PCDH11Y: variants seen among roughly 807,000 people sequenced by gnomAD.
The protein encoded by PCDH11Y is protocadherin 11 Y-linked.
For missense variants in PCDH11Y, 12 were observed against 224.8 expected (o/e 0.05, Z 6.05); for synonymous variants, 9 against 83.6 (o/e 0.11, Z 4.87).
At chrY:5,360,874 G>A (rs2053174047) in intron 2 of PCDH11Y, among the ~76,000 whole-genome samples, 1 of 32,424 alleles carries the variant, frequency 3.1e-5, no homozygotes, top group Non-Finnish European at 7.5e-5. Context: ...TACGTGTGAC[G>A]TAGACAGCAA....
intron 4 of PCDH11Y, among the ~76,000 whole-genome samples, chrY:5,663,852 G>A: frequency 6.2e-5 from 2 of 32,076 alleles, no homozygotes; most frequent in East Asian, 1.6e-3. Context: ...TGAAGACACC[G>A]TAAATTCAAC....
downstream of PCDH11Y, among the ~76,000 whole-genome samples, chrY:5,107,651 C>A: frequency 6.1e-5 from 2 of 32,873 alleles, no homozygotes; most frequent in Admixed American, 5.6e-4. Context: ...TATCTCCAAC[C>A]TTTTGTGTTG....
chrY:5,249,073 A>G, intron 2 of PCDH11Y, among the ~76,000 whole-genome samples: 1 of 32,766 alleles, frequency 3.1e-5, no homozygotes, highest in Non-Finnish European at 7.5e-5. Flanking sequence ...GAGAAATAAC[A>G]GAGGACACAA....
At chrY:5,712,323 A>C in intron 4 of PCDH11Y, among the ~76,000 whole-genome samples, 1 of 33,358 alleles carries the variant, frequency 3.0e-5, no homozygotes, top group Non-Finnish European at 7.4e-5. Flanking sequence ...TAAGGTCTGG[A>C]GACATACAGA....
rs2053332147 is a variant in PCDH11Y at position 5,486,692 on chromosome Y, TATATATATATATACAC to T, written c.3130-14351_3130-14336del. Among the ~76,000 whole-genome samples the T allele has an allele frequency of 6.6e-3, 55 of 8,320 alleles. No homozygotes were observed. In the East Asian group the frequency reaches 0.17, roughly 26 times the overall value. 22.3% of individuals were successfully genotyped at this position (8,320 alleles called of 37,273 possible). On this transcript the variant is annotated intron_variant, in intron 2 of 4. Transcript: ENST00000400457. ...CCATTCATATATATATATATATATA[TATATATATATATACAC>T]ATATATATATATATATATACACATA...
chrY:5,523,535 A>C (rs1602937750), intron 3 of PCDH11Y, among the ~76,000 whole-genome samples: 1 of 31,881 alleles, frequency 3.1e-5, no homozygotes, highest in East Asian at 8.2e-4. Flanking sequence ...CTTATTTCGG[A>C]ATTATAAGCA....
At chrY:5,539,864 A>G in intron 3 of PCDH11Y, among the ~76,000 whole-genome samples, 1 of 32,775 alleles carries the variant, frequency 3.1e-5, no homozygotes, top group Non-Finnish European at 7.6e-5. Flanking sequence ...AGGAAATAGT[A>G]TAATTTTATT....
chrY:5,586,906 GATTT>G (rs765607736), intron 4 of PCDH11Y, among the ~76,000 whole-genome samples: 1 of 32,367 alleles, frequency 3.1e-5, no homozygotes, highest in Non-Finnish European at 7.7e-5. Flanking sequence ...CTTTTGTATT[GATTT>G]ATTTGTTTTG....
chrY:5,593,882 A>G lies in PCDH11Y; in HGVS notation c.3352+12084A>G, dbSNP rs2124698729. On this transcript the variant is annotated intron_variant, in intron 4 of 4. Coordinates refer to the PCDH11Y transcript ENST00000400457. Reference sequence around the variant, plus strand: ...CTGGCTCCTCAAAGTTAGGAACCCAATGTGCTCGGAAGGCTGAAATGCTCC... The same window carrying G: ...CTGGCTCCTCAAAGTTAGGAACCCAGTGTGCTCGGAAGGCTGAAATGCTCC... Among the ~76,000 whole-genome samples the G allele has an allele frequency of 8.4e-4, 27 of 32,297 alleles. No homozygotes were observed. In the East Asian group the frequency reaches 0.023, roughly 27 times the overall value. 86.6% of individuals were successfully genotyped at this position (32,297 alleles called of 37,273 possible).
intron 2 of PCDH11Y, among the ~76,000 whole-genome samples, chrY:5,232,927 G>T: frequency 3.1e-5 from 1 of 32,288 alleles, no homozygotes; most frequent in African/African-American, 1.2e-4. Flanking sequence ...GTGGGCGGGG[G>T]TCAGCTGAAT....
At chrY:5,383,825 G>T (rs2053208017) in intron 2 of PCDH11Y, among the ~76,000 whole-genome samples, 1 of 32,436 alleles carries the variant, frequency 3.1e-5, no homozygotes, top group South Asian at 6.9e-4. Flanking sequence ...CACCTTGTTG[G>T]CCAGGATGGT....
At chrY:5,631,358 C>T in intron 4 of PCDH11Y, among the ~76,000 whole-genome samples, 1 of 28,448 alleles carries the variant, frequency 3.5e-5, no homozygotes, top group African/African-American at 1.7e-4. Flanking sequence ...AAGGCACCAG[C>T]ATATTAATGC....
chrY:5,603,338 A>C, intron 4 of PCDH11Y, among the ~76,000 whole-genome samples: 1 of 28,470 alleles, frequency 3.5e-5, no homozygotes, highest in South Asian at 8.4e-4. Context: ...GTTAGTAGAG[A>C]GGTAAGGACA....
intron 2 of PCDH11Y, among the ~76,000 whole-genome samples, chrY:5,407,636 A>G: frequency 1.5e-4 from 5 of 33,100 alleles, no homozygotes; most frequent in Non-Finnish European, 3.0e-4. Flanking sequence ...GCTGTGGGCC[A>G]GGCACGGTGG....
intron 2 of PCDH11Y, among the ~76,000 whole-genome samples, chrY:5,171,584 C>T (rs2052886590): frequency 2.9e-5 from 1 of 34,079 alleles, no homozygotes; most frequent in African/African-American, 1.1e-4. Flanking sequence ...TTACTTCATT[C>T]TCATGCAAGC....
intron 1 of PCDH11Y, among the ~76,000 whole-genome samples, chrY:5,070,253 A>G: frequency 6.0e-5 from 2 of 33,253 alleles, no homozygotes; most frequent in East Asian, 7.9e-4. Context: ...AAAAATTTCT[A>G]TGTGCATTGA....
chrY:5,024,864 T>C, intron 1 of PCDH11Y, among the ~76,000 whole-genome samples: 1 of 32,727 alleles, frequency 3.1e-5, no homozygotes, highest in African/African-American at 1.2e-4. Context: ...TCCTTAATAA[T>C]TACAATCTAG....
At chrY:5,572,374 C>A in intron 3 of PCDH11Y, among the ~76,000 whole-genome samples, 2 of 31,047 alleles carry the variant, frequency 6.4e-5, no homozygotes, top group Admixed American at 5.9e-4. Flanking sequence ...TTAAACCCAA[C>A]AGTGGAATTG....
At chrY:5,297,908 C>T in intron 2 of PCDH11Y, among the ~76,000 whole-genome samples, 2 of 33,473 alleles carry the variant, frequency 6.0e-5, no homozygotes, top group East Asian at 8.1e-4. Flanking sequence ...GGTGTTGCAG[C>T]GGGGGAAATG....
Sources: gnomAD v4.1 joint callset for allele counts (sites outside exome capture counted in the v4.1 genomes callset) on GRCh38, gnomAD v4.1.1 for gene constraint, MANE v1.5 for transcripts, NCBI Gene and HGNC (gene_info 2026-07-23, HGNC 2026-07-21) for gene names.